Variants in PRIM2 observed in about 807,000 individuals in gnomAD.
PRIM2 encodes the protein DNA primase subunit 2.
A neutral mutation model predicts 67.3 loss-of-function variants in PRIM2; 39 were observed. That is an observed-to-expected ratio of 0.58 (90% CI 0.45 to 0.76). The LOEUF is 0.76. Ranked by LOEUF, PRIM2 falls within the 30% of genes least tolerant of loss-of-function variation. The probability of loss-of-function intolerance (pLI) is 0.00; values close to 1 mark genes in which losing one functional copy is unlikely to be tolerated. For missense variants in PRIM2, 398 were observed against 598.7 expected, an observed-to-expected ratio of 0.66 and a Z score of 3.50; for synonymous variants, 143 against 198.7, an observed-to-expected ratio of 0.72 and a Z score of 2.36.
chr6:57,513,367 T>C (rs2127461493), intron 8 of PRIM2, among the ~76,000 whole-genome samples: 1 of 143,658 alleles, frequency 7.0e-6, no homozygotes, highest in South Asian at 2.2e-4. Context: ...GTGTGCATGA[T>C]AAAGGTGTTT....
At chr6:57,394,387 A>G (rs1770452844) in intron 7 of PRIM2, among the ~76,000 whole-genome samples, 1 of 152,008 alleles carries the variant, frequency 6.6e-6, no homozygotes, top group Non-Finnish European at 1.5e-5. Flanking sequence ...CTCCTTGGTT[A>G]GGTATATTCT....
chr6:57,374,438 C>T (rs1488924371), intron 5 of PRIM2, among the ~76,000 whole-genome samples: 7 of 146,440 alleles, frequency 4.8e-5, no homozygotes, highest in Admixed American at 2.0e-4. Flanking sequence ...GGACTACAGG[C>T]GCGCGCCACC....
At chr6:57,480,335 T>C (rs2127405390) in intron 7 of PRIM2, among the ~76,000 whole-genome samples, 1 of 152,294 alleles carries the variant, frequency 6.6e-6, no homozygotes, top group Non-Finnish European at 1.5e-5. Context: ...GAAAAAGAAA[T>C]GTATAGAGGA....
chr6:57,558,765 C>T (rs1406878837), intron 10 of PRIM2, among the ~76,000 whole-genome samples: 27 of 152,136 alleles, frequency 1.8e-4, no homozygotes, highest in African/African-American at 6.3e-4. Context: ...GTTGAGGGTG[C>T]TGAGCTCTTT....
At chr6:57,501,523 C>T (rs1470481017) in intron 7 of PRIM2, among the ~76,000 whole-genome samples, 5 of 152,166 alleles carry the variant, frequency 3.3e-5, no homozygotes, top group Non-Finnish European at 5.9e-5. Flanking sequence ...TGGTTTCAAA[C>T]TCCTGACCTC....
the PRIM2 span, among the ~76,000 whole-genome samples, chr6:57,271,111 A>C: frequency 6.6e-6 from 1 of 152,298 alleles, no homozygotes; most frequent in Admixed American, 6.5e-5. Context: ...TGTCTCTGAC[A>C]GGCTTTGGTA....
At chr6:57,236,945 G>A in the PRIM2 span, among the ~76,000 whole-genome samples, 2 of 152,108 alleles carry the variant, frequency 1.3e-5, no homozygotes, top group African/African-American at 4.8e-5. Flanking sequence ...TGGGATGGCT[G>A]GGTCAAAAGG....
At chr6:57,252,621 A>G in the PRIM2 span, among the ~76,000 whole-genome samples, 3 of 152,088 alleles carry the variant, frequency 2.0e-5, no homozygotes, top group African/African-American at 7.2e-5. Context: ...TTGTGTTTTT[A>G]GTGGAGACGG....
At chr6:57,331,137 G>A (rs565030908) in intron 5 of PRIM2, among the ~76,000 whole-genome samples, 38 of 150,662 alleles carry the variant, frequency 2.5e-4, no homozygotes, top group African/African-American at 2.4e-4. Context: ...GCAGTGAGCC[G>A]AGATCGTACC....
At chr6:57,293,458 C>T in the PRIM2 span, among the ~76,000 whole-genome samples, 34 of 152,136 alleles carry the variant, frequency 2.2e-4, no homozygotes, top group African/African-American at 8.0e-4. Flanking sequence ...ACTAGAAATA[C>T]GATTTGACCC....
the PRIM2 span, among the ~76,000 whole-genome samples, chr6:57,243,049 G>T: frequency 4.6e-5 from 7 of 152,144 alleles, no homozygotes; most frequent in Non-Finnish European, 7.4e-5. Context: ...AAGGATAAGT[G>T]GTTCTTAGAA....
At chr6:57,479,977 C>G (rs1773575356) in intron 7 of PRIM2, among the ~76,000 whole-genome samples, 1 of 152,084 alleles carries the variant, frequency 6.6e-6, no homozygotes, top group Non-Finnish European at 1.5e-5. Context: ...GATGAAGAAA[C>G]CAAAGAAGGC....
At chr6:57,251,184 G>A in the PRIM2 span, among the ~76,000 whole-genome samples, 4 of 151,944 alleles carry the variant, frequency 2.6e-5, no homozygotes, top group East Asian at 3.9e-4. Context: ...CCTCCATTTC[G>A]TTTCTCTCCT....
intron 7 of PRIM2, among the ~76,000 whole-genome samples, chr6:57,498,655 C>T (rs2127456647): frequency 6.6e-6 from 1 of 152,234 alleles, no homozygotes; most frequent in African/African-American, 2.4e-5. Context: ...AGGGTAAAAA[C>T]ACCAGAGAAC....
chr6:57,504,531 C>T (rs1212276137), intron 7 of PRIM2, among the ~76,000 whole-genome samples: 7 of 152,096 alleles, frequency 4.6e-5, no homozygotes, highest in South Asian at 2.1e-4. Context: ...AACCTTTCAA[C>T]GATAATGAGA....
the PRIM2 span, among the ~76,000 whole-genome samples, chr6:57,231,780 T>C: frequency 6.6e-6 from 1 of 152,158 alleles, no homozygotes; most frequent in African/African-American, 2.4e-5. Context: ...TATTTCCATG[T>C]GTAACAATTT....
the PRIM2 span, among the ~76,000 whole-genome samples, chr6:57,244,588 C>G: frequency 6.6e-6 from 1 of 151,972 alleles, no homozygotes; most frequent in South Asian, 2.1e-4. Context: ...TGGATTAAAC[C>G]CCGTGTCCAC....
chr6:57,240,101 T>TG, the PRIM2 span, among the ~76,000 whole-genome samples: 269 of 140,268 alleles, frequency 1.9e-3, 1 homozygote, highest in Middle Eastern at 0.011. Context: ...GTTTTTTTTT[T>TG]TTTTTTTTTT....
At chr6:57,604,980 G>A (rs1420022030) in intron 11 of PRIM2, among the ~76,000 whole-genome samples, 41 of 152,302 alleles carry the variant, frequency 2.7e-4, no homozygotes, top group South Asian at 1.0e-3. Flanking sequence ...GTGAGCCACC[G>A]CGCTTGGCCA....
Sources: allele counts gnomAD v4.1 joint callset (sites outside exome capture counted in the v4.1 genomes callset), GRCh38; gene constraint gnomAD v4.1.1; transcripts MANE v1.5; gene names NCBI Gene and HGNC (gene_info 2026-07-23, HGNC 2026-07-21).